CD8B: variants seen among roughly 807,000 people sequenced by gnomAD.
CD8B encodes the protein CD8 subunit beta.
CD8B carries 6 observed loss-of-function variants against 24.2 expected under a neutral mutation model. That is an observed-to-expected ratio of 0.25 (90% CI 0.14 to 0.49). The LOEUF (loss-of-function observed/expected upper bound fraction) is 0.49, where lower values mean the gene tolerates loss of function less well. Among genes scored for constraint, CD8B ranks in the 20% least tolerant of loss-of-function variants. The probability of loss-of-function intolerance (pLI) is 0.98; values close to 1 mark genes in which losing one functional copy is unlikely to be tolerated. For synonymous variants in CD8B, 84 were observed against 108.3 expected (o/e 0.78, Z 1.39); for missense variants, 196 against 271.3 (o/e 0.72, Z 1.95).
chr2:86,831,572 A>G (rs1333850703), intron 5 of CD8B, among the ~76,000 whole-genome samples: 1 of 152,236 alleles, frequency 6.6e-6, no homozygotes, highest in Non-Finnish European at 1.5e-5. Flanking sequence ...TTCTGATTCT[A>G]AAAGAATAGG....
At chr2:86,822,509 A>G in intron 5 of CD8B, 1 of 573,564 alleles carries the variant, frequency 1.7e-6, no homozygotes, top group Non-Finnish European at 3.1e-6. Flanking sequence ...GATGTTTTAG[A>G]ATTATGAAAC....
chr2:86,827,223 A>T (rs1205907798), intron 5 of CD8B, among the ~76,000 whole-genome samples: 1 of 151,704 alleles, frequency 6.6e-6, no homozygotes, highest in Non-Finnish European at 1.5e-5. Flanking sequence ...TGATTCTTGG[A>T]AGCTTGCAAG....
Position 86,839,340 on chromosome 2 carries a change from C to A in CD8B, c.*2967G>T, listed in dbSNP as rs1028625492. On this transcript the variant is annotated 3_prime_UTR_variant, in exon 6 of 6. Coordinates refer to ENST00000390655, the MANE Select transcript of CD8B (RefSeq NM_004931.5). Reference sequence around the variant, plus strand: ...TTATTTCCCATTTTTAGCTAGTAAGCAACACTAGAAGGAACAATCTGATGC... The same window carrying A: ...TTATTTCCCATTTTTAGCTAGTAAGAAACACTAGAAGGAACAATCTGATGC... Among the ~76,000 whole-genome samples the A allele has an allele frequency of 6.6e-6, 1 of 152,180 alleles. No homozygotes were observed. The highest frequency in any genetic ancestry group is 1.5e-5 in the Non-Finnish European group (1 of 68,032).
chr2:86,820,217 G>C (rs922239436), intron 5 of CD8B, among the ~76,000 whole-genome samples: 5 of 152,230 alleles, frequency 3.3e-5, no homozygotes, highest in Non-Finnish European at 1.5e-5. Context: ...AGTTGAGAAA[G>C]AGGCGTCAGT....
At chr2:86,858,532 C>G in intron 1 of CD8B, 116 bp from the exon 2 acceptor site, 2 of 1,455,672 alleles carry the variant, frequency 1.4e-6, no homozygotes, top group Non-Finnish European at 1.8e-6. Flanking sequence ...TGCCCAGTTA[C>G]TGGGTCCAGG....
At position 86,842,330 on chromosome 2, in the gene CD8B, C is replaced by T. The variant is rs553587254; in HGVS notation, c.621-11G>A. 3.2e-6 allele frequency: 5 copies of T among 1,561,830 alleles called. No homozygotes were observed. The South Asian group carries it at 3.6e-5, about 11-fold the overall frequency. On this transcript the variant is annotated splice_polypyrimidine_tract_variant and intron_variant, in intron 5 of 5. Transcript: ENST00000390655. Reference sequence around the variant, plus strand: ...GCTCATTTGTAAAATCTGAAAACAACAGCAAGTTGTGAAACCACTTATTTT... The same window carrying T: ...GCTCATTTGTAAAATCTGAAAACAATAGCAAGTTGTGAAACCACTTATTTT...
At chr2:86,849,613 C>T (rs1264332757) in intron 3 of CD8B, among the ~76,000 whole-genome samples, 3 of 152,024 alleles carry the variant, frequency 2.0e-5, no homozygotes, top group African/African-American at 4.8e-5. Flanking sequence ...GTAACGGTCG[C>T]CCAACTTGGT....
At chr2:86,834,891 G>A (rs4832318), downstream of CD8B, among the ~76,000 whole-genome samples, 54,375 of 144,922 alleles carry the variant, frequency 0.38, 10,910 homozygotes, top group Non-Finnish European at 0.46. Flanking sequence ...AGCCAAGATC[G>A]TGCCACTGCA....
intron 5 of CD8B, chr2:86,833,092 A>C (rs1202723100): frequency 3.2e-6 from 1 of 316,714 alleles, no homozygotes; most frequent in Non-Finnish European, 6.2e-6. Flanking sequence ...ACAGACATGA[A>C]GATGCTTTCC....
chr2:86,824,830 C>T (rs749787755), intron 5 of CD8B, among the ~76,000 whole-genome samples: 5 of 152,182 alleles, frequency 3.3e-5, no homozygotes, highest in South Asian at 2.1e-4. Context: ...TTCCCTGAAT[C>T]GCTTCCAGAA....
chr2:86,817,771 G>T (rs1336640195), intron 5 of CD8B, among the ~76,000 whole-genome samples: 1 of 152,130 alleles, frequency 6.6e-6, no homozygotes, highest in Non-Finnish European at 1.5e-5. Context: ...TTTGGCAAAA[G>T]TTAAATTTGC....
rs562332912 is a variant in CD8B at position 86,841,015 on chromosome 2, C to T, written c.*1292G>A. Among the ~76,000 whole-genome samples the T allele has an allele frequency of 6.6e-6, 1 of 152,138 alleles. No individual in the cohort carries two copies. Among genetic ancestry groups the T allele is most frequent in the East Asian group, 1.9e-4 (1 of 5,152 alleles). ...GAAAAGCAGGTGAGGCTGGATTCTCCCTGGACCTGGACGTGGTGCTTCTGT... is the reference window on the plus strand; with the variant it reads ...GAAAAGCAGGTGAGGCTGGATTCTCTCTGGACCTGGACGTGGTGCTTCTGT... On this transcript the variant is annotated 3_prime_UTR_variant, in exon 6 of 6. Transcript: ENST00000390655.
intron 2 of CD8B, among the ~76,000 whole-genome samples, chr2:86,856,985 T>C (rs62146886): frequency 0.5 from 76,052 of 152,052 alleles, 19,328 homozygotes; most frequent in East Asian, 0.59. Flanking sequence ...AACAAGACTT[T>C]AAAAATTTAG....
At chr2:86,825,985 C>CG (rs1162372037) in intron 5 of CD8B, among the ~76,000 whole-genome samples, 4 of 152,030 alleles carry the variant, frequency 2.6e-5, no homozygotes, top group Admixed American at 6.5e-5. Context: ...CTGGAGCTCT[C>CG]GGGGGGAAAA....
intron 5 of CD8B, among the ~76,000 whole-genome samples, chr2:86,818,923 A>G (rs1674360303): frequency 6.6e-6 from 1 of 152,230 alleles, no homozygotes; most frequent in Non-Finnish European, 1.5e-5. Context: ...AATTAAAAGT[A>G]CTAATCCAGT....
rs1467703651 is a variant in CD8B at position 86,840,492 on chromosome 2, T to C, written c.*1815A>G. Among the ~76,000 whole-genome samples, 15 of 152,192 alleles carry C rather than the reference T, an allele frequency of 9.9e-5. No individual in the cohort carries two copies. The highest frequency in any genetic ancestry group is 5.9e-4 in the Admixed American group (9 of 15,286). The stretch of plus-strand genomic sequence containing the variant: ...AGCACGGGCCATCCCTTCATCCGCA[T>C]AGGGCGTCAATTCACCTCAGCCTTT... On this transcript the variant is annotated 3_prime_UTR_variant, in exon 6 of 6. Transcript: ENST00000390655.
downstream of CD8B, among the ~76,000 whole-genome samples, chr2:86,837,022 T>C (rs1282380814): frequency 6.6e-6 from 1 of 151,900 alleles, no homozygotes; most frequent in Non-Finnish European, 1.5e-5. Context: ...CCAGGTGTGG[T>C]AGTGCATGCC....
downstream of CD8B, among the ~76,000 whole-genome samples, chr2:86,834,798 T>C (rs1189425049): frequency 2.0e-5 from 3 of 151,786 alleles, no homozygotes; most frequent in African/African-American, 7.3e-5. Context: ...TAGCTGGGCA[T>C]GATGGCGCGC....
intron 5 of CD8B, among the ~76,000 whole-genome samples, chr2:86,825,349 C>T (rs62146083): frequency 0.059 from 9,020 of 152,210 alleles, 285 homozygotes; most frequent in African/African-American, 0.073. Context: ...GGGTGAGGAT[C>T]ACCGTCCTCC....
Sources: gnomAD v4.1 joint callset for allele counts (sites outside exome capture counted in the v4.1 genomes callset) on GRCh38, gnomAD v4.1.1 for gene constraint, MANE v1.5 for transcripts, NCBI Gene and HGNC (gene_info 2026-07-23, HGNC 2026-07-21) for gene names.